Variants in NELL1 observed in about 807,000 individuals in gnomAD.
NELL1 encodes the protein protein kinase C-binding protein NELL1.
A neutral mutation model predicts 107.4 loss-of-function variants in NELL1; 76 were observed. The ratio of observed to expected loss-of-function variants is 0.71; its 90% CI spans 0.59 to 0.86. The LOEUF (loss-of-function observed/expected upper bound fraction) is 0.86. Ranked by LOEUF, NELL1 falls within the 40% of genes least tolerant of loss-of-function variation. NELL1 has a pLI of 0.00. For missense variants in NELL1, 1,024 were observed against 1,005.5 expected, an observed-to-expected ratio of 1.02 and a Z score of -0.25; for synonymous variants, 353 against 341.2, an observed-to-expected ratio of 1.03 and a Z score of -0.38.
At chr11:20,939,582 G>T (rs748439487) in intron 10 of NELL1, among the ~76,000 whole-genome samples, 3 of 152,158 alleles carry the variant, frequency 2.0e-5, no homozygotes, top group Non-Finnish European at 4.4e-5. Context: ...TGATTGTTCA[G>T]GATGGGGAAG....
chr11:20,755,534 G>GTT (rs1364309032), intron 2 of NELL1, among the ~76,000 whole-genome samples: 11 of 90,308 alleles, frequency 1.2e-4, no homozygotes, highest in South Asian at 3.3e-4. Flanking sequence ...ACCTGTGTGG[G>GTT]TTTTTGTTTT....
intron 15 of NELL1, among the ~76,000 whole-genome samples, chr11:21,523,481 T>C (rs1037067886): frequency 1.3e-5 from 2 of 152,216 alleles, no homozygotes; most frequent in African/African-American, 2.4e-5. Context: ...ACTGTTCCTC[T>C]TCCTGTGTAA....
chr11:21,201,838 G>C (rs982880487), intron 13 of NELL1, among the ~76,000 whole-genome samples: 4 of 152,098 alleles, frequency 2.6e-5, no homozygotes, highest in African/African-American at 4.8e-5. Context: ...TAGCATGAAG[G>C]GGTATTGAAT....
intron 18 of NELL1, among the ~76,000 whole-genome samples, chr11:21,572,077 T>C (rs1372490626): frequency 1.5e-5 from 2 of 132,458 alleles, no homozygotes; most frequent in East Asian, 2.2e-4. Context: ...AAAATTGTAG[T>C]CATTTTTTAA....
chr11:21,441,551 A>G (rs976993632), intron 15 of NELL1, among the ~76,000 whole-genome samples: 1 of 152,122 alleles, frequency 6.6e-6, no homozygotes, highest in Non-Finnish European at 1.5e-5. Context: ...ATGATATTGT[A>G]ACACTTTCAT....
intron 12 of NELL1, among the ~76,000 whole-genome samples, chr11:20,968,925 G>C (rs779316480): frequency 1.4e-4 from 22 of 152,258 alleles, no homozygotes; most frequent in Middle Eastern, 3.4e-3. Context: ...AACTGCAAGA[G>C]GGGTTGGTAA....
chr11:21,261,459 C>T lies in NELL1; in HGVS notation c.1549+32005C>T, dbSNP rs921927592. 2.6e-5 allele frequency among the ~76,000 whole-genome samples: 4 copies of T among 151,572 alleles called. No individual in the cohort carries two copies. In the Admixed American group the frequency reaches 2.6e-4, roughly 10 times the overall value. On this transcript the variant is annotated intron_variant, in intron 14 of 19. Coordinates refer to ENST00000357134, the MANE Select transcript of NELL1 (RefSeq NM_006157.5). Reference sequence around the variant, plus strand: ...GGACCTAAAATACCCTCAAATATTCCATTTGTACGACTAATTATGATCATA... The same window carrying T: ...GGACCTAAAATACCCTCAAATATTCTATTTGTACGACTAATTATGATCATA...
intron 3 of NELL1, among the ~76,000 whole-genome samples, chr11:20,807,066 T>A (rs7936661): frequency 4.2e-4 from 63 of 151,760 alleles, no homozygotes; most frequent in African/African-American, 1.4e-3. Flanking sequence ...TTTTTTTTTT[T>A]TTGTTGGGGT....
chr11:21,177,714 G>C (rs1856742595), intron 13 of NELL1, among the ~76,000 whole-genome samples: 1 of 151,696 alleles, frequency 6.6e-6, no homozygotes, highest in Non-Finnish European at 1.5e-5. Flanking sequence ...TATAATGGCT[G>C]TACTAATTTA....
In NELL1 at chr11:20,898,198, A is replaced by G. The variant is rs1376759934; in HGVS notation, c.603+12658A>G. ...ATGTCCAACAATGATAGACTGGATT[A>G]AGAAAACGTGGCACATATACACCGT... On this transcript the variant is annotated intron_variant, in intron 5 of 19. Coordinates refer to ENST00000357134, the MANE Select transcript of NELL1 (RefSeq NM_006157.5). Among the ~76,000 whole-genome samples the G allele has an allele frequency of 3.3e-5, 5 of 152,334 alleles. No individual in the cohort carries two copies. In the East Asian group the frequency reaches 5.8e-4, roughly 18 times the overall value.
intron 12 of NELL1, among the ~76,000 whole-genome samples, chr11:21,094,885 C>T (rs562233726): frequency 4.4e-4 from 67 of 152,342 alleles, no homozygotes; most frequent in Middle Eastern, 3.4e-3. Flanking sequence ...GAGATATTCT[C>T]CCCATTGTCT....
chr11:21,335,561 A>AG (rs1850370869), intron 14 of NELL1, among the ~76,000 whole-genome samples: 1 of 152,004 alleles, frequency 6.6e-6, no homozygotes, highest in Non-Finnish European at 1.5e-5. Context: ...TTATCTGCCA[A>AG]TGGAAATTAA....
chr11:20,689,532 G>A (rs1449719810), intron 2 of NELL1, among the ~76,000 whole-genome samples: 3 of 146,258 alleles, frequency 2.1e-5, no homozygotes, highest in Admixed American at 7.0e-5. Context: ...GAGAACATGC[G>A]GTGTTTGGTT....
intron 14 of NELL1, among the ~76,000 whole-genome samples, chr11:21,264,082 G>GTGTGTGTGTGTA (rs1309972424): frequency 6.6e-6 from 1 of 151,014 alleles, no homozygotes; most frequent in African/African-American, 2.4e-5. Flanking sequence ...GTGTGTGTGT[G>GTGTGTGTGTGTA]TGTGTGTGTG....
chr11:20,914,959 T>A (rs1850213557), intron 5 of NELL1, among the ~76,000 whole-genome samples: 1 of 152,014 alleles, frequency 6.6e-6, no homozygotes. Context: ...TTGCCCCACA[T>A]GATCTTCACA....
At chr11:21,313,550 C>A (rs544700900) in intron 14 of NELL1, among the ~76,000 whole-genome samples, 1 of 152,256 alleles carries the variant, frequency 6.6e-6, no homozygotes, top group East Asian at 1.9e-4. Flanking sequence ...TTTTCTCTTT[C>A]TATGACTGGA....
intron 15 of NELL1, among the ~76,000 whole-genome samples, chr11:21,518,417 A>G (rs991181318): frequency 6.6e-6 from 1 of 152,186 alleles, no homozygotes; most frequent in African/African-American, 2.4e-5. Flanking sequence ...CTTATTGATC[A>G]TGTCTGCATA....
chr11:21,415,821 T>A (rs1348064540), intron 15 of NELL1, among the ~76,000 whole-genome samples: 1 of 152,056 alleles, frequency 6.6e-6, no homozygotes, highest in African/African-American at 2.4e-5. Context: ...ACCAGGTGTT[T>A]GAAACTCAGG....
chr11:21,317,946 C>G (rs1161040923), intron 14 of NELL1, among the ~76,000 whole-genome samples: 3 of 151,982 alleles, frequency 2.0e-5, no homozygotes, highest in African/African-American at 7.2e-5. Context: ...AAAGAAAAAT[C>G]CTATGTGTTG....
Sources: allele counts gnomAD v4.1 joint callset (sites outside exome capture counted in the v4.1 genomes callset), GRCh38; gene constraint gnomAD v4.1.1; transcripts MANE v1.5; gene names NCBI Gene and HGNC (gene_info 2026-07-23, HGNC 2026-07-21).